Variants in CACNA1B observed in about 807,000 individuals in gnomAD.
The protein encoded by CACNA1B is voltage-dependent N-type calcium channel subunit alpha-1B.
In CACNA1B, 70 loss-of-function variants were observed where a neutral mutation model predicts 247.2. The observed-to-expected ratio is 0.28, with a 90% CI of 0.23 to 0.35. The LOEUF (loss-of-function observed/expected upper bound fraction) is 0.35. CACNA1B is among the 10% of genes least tolerant of loss of function. The probability of loss-of-function intolerance (pLI) is 1.00; values close to 1 mark genes in which losing one functional copy is unlikely to be tolerated. For missense variants in CACNA1B, 2,367 were observed against 3,197.4 expected, an observed-to-expected ratio of 0.74 and a Z score of 6.26; for synonymous variants, 1,231 against 1,294.4, an observed-to-expected ratio of 0.95 and a Z score of 1.05.
chr9:138,050,057 T>C lies in CACNA1B; in HGVS notation c.3710+742T>C, dbSNP rs1244858602. The C allele has an allele frequency of 7.8e-7, 1 of 1,289,546 alleles. No homozygotes were observed. Among genetic ancestry groups the C allele is most frequent in the Admixed American group, 2.3e-5 (1 of 43,564 alleles). 79.9% of individuals were successfully genotyped at this position (1,289,546 alleles called of 1,614,324 possible). On this transcript the variant is annotated intron_variant, in intron 24 of 46. Coordinates refer to ENST00000371372, the MANE Select transcript of CACNA1B (RefSeq NM_000718.4). The surrounding 1 kb of genome is among the most constrained non-coding windows in gnomAD (Gnocchi z 5.2). Reference sequence around the variant, plus strand: ...ACTGACTCTGTTCTCTTTGTCTTCCTCTTGCTGGACTCGGCAGGAGCTTCG... The same window carrying C: ...ACTGACTCTGTTCTCTTTGTCTTCCCCTTGCTGGACTCGGCAGGAGCTTCG...
intron 3 of CACNA1B, among the ~76,000 whole-genome samples, chr9:137,908,035 C>G (rs1957316901): frequency 6.6e-6 from 1 of 152,234 alleles, no homozygotes; most frequent in South Asian, 2.1e-4. Context: ...CATGCCTTCC[C>G]TGTCCAATCC....
chr9:138,024,832 C>A (rs746267233), intron 19 of CACNA1B, 123 bp from the exon 20 acceptor site: 36 of 677,804 alleles, frequency 5.3e-5, no homozygotes, highest in Non-Finnish European at 8.5e-5. Context: ...TGGGGTTTCG[C>A]CATATTCCCC....
At chr9:138,034,438 G>A (rs1959019395) in intron 20 of CACNA1B, among the ~76,000 whole-genome samples, 1 of 151,088 alleles carries the variant, frequency 6.6e-6, no homozygotes, top group South Asian at 2.1e-4. Context: ...ATAAGTGGAA[G>A]TAGGGTCATA....
At chr9:137,977,557 T>A (rs190163225) in intron 12 of CACNA1B, among the ~76,000 whole-genome samples, 61 of 152,238 alleles carry the variant, frequency 4.0e-4, no homozygotes, top group Non-Finnish European at 6.5e-4. Flanking sequence ...GGCAGGGCAG[T>A]CTGAGAATCT....
chr9:138,005,820 G>T (rs768458354), intron 15 of CACNA1B, among the ~76,000 whole-genome samples: 5 of 152,136 alleles, frequency 3.3e-5, no homozygotes, highest in Non-Finnish European at 5.9e-5. Flanking sequence ...GAGGTGGGCG[G>T]ATCACGAGGT....
At chr9:138,033,784 T>C (rs1959011854) in intron 20 of CACNA1B, among the ~76,000 whole-genome samples, 1 of 152,116 alleles carries the variant, frequency 6.6e-6, no homozygotes, top group Admixed American at 6.5e-5. Context: ...CTCGTGAGAC[T>C]CACTATCACG....
chr9:138,031,737 T>G (rs1483700619), intron 20 of CACNA1B, among the ~76,000 whole-genome samples: 3 of 152,210 alleles, frequency 2.0e-5, no homozygotes, highest in Non-Finnish European at 2.9e-5. Context: ...GACTGGCCCT[T>G]TAATTGTTGT....
Position 137,954,901 on chromosome 9 carries a change from A to AGAGG in CACNA1B, c.1071-796_1071-795insAGGG, listed in dbSNP as rs1957928518. On this transcript the variant is annotated intron_variant, in intron 7 of 46. Transcript: ENST00000371372. This position sits in a 1 kb window ranked among gnomAD's most constrained non-coding sequence, Gnocchi z 4.1. ...GTGTGAGAGAGAGAGAGAGAGAGAG[A>AGAGG]GGGGGAGAGAGAGAGAGAGAGAATG... 5.9e-5 allele frequency among the ~76,000 whole-genome samples: 7 copies of AGAGG among 118,712 alleles called. No individual in the cohort carries two copies. The South Asian group carries it at 8.0e-4, about 14-fold the overall frequency. 77.9% of individuals were successfully genotyped at this position (118,712 alleles called of 152,430 possible). A position where few individuals can be genotyped will look rare whatever the true frequency, so the allele number is the denominator to read the frequency against.
At chr9:137,959,446 A>G (rs1056146587) in intron 10 of CACNA1B, among the ~76,000 whole-genome samples, 2 of 152,170 alleles carry the variant, frequency 1.3e-5, no homozygotes, top group Admixed American at 6.5e-5. Flanking sequence ...TATTTTATCT[A>G]GAGTTTTTAT....
At chr9:137,896,988 A>G (rs1203005730) in intron 3 of CACNA1B, among the ~76,000 whole-genome samples, 9 of 151,868 alleles carry the variant, frequency 5.9e-5, no homozygotes, top group Non-Finnish European at 1.3e-4. Flanking sequence ...TTATATTAGT[A>G]ATTTTTGTCT....
At chr9:138,076,084 T>A (rs892428736) in intron 35 of CACNA1B, among the ~76,000 whole-genome samples, 174 bp downstream of exon 35, 1 of 152,142 alleles carries the variant, frequency 6.6e-6, no homozygotes, top group Non-Finnish European at 1.5e-5. Context: ...GCTCCTCTTT[T>A]CCAAAGGCTC....
Position 137,904,683 on chromosome 9 carries a change from C to T in CACNA1B, c.531-8497C>T, listed in dbSNP as rs541654659. ...GCACTGCCTCCGCCTCCCCCCTCCT[C>T]CTGCTGTCCCCTCAAGAATTTGCTA... On this transcript the variant is annotated intron_variant, in intron 3 of 46. Coordinates refer to ENST00000371372, the MANE Select transcript of CACNA1B (RefSeq NM_000718.4). Among the ~76,000 whole-genome samples the T allele has an allele frequency of 4.6e-5, 7 of 152,170 alleles. 1 individual carries two copies. The highest frequency in any genetic ancestry group is 1.7e-4 in the African/African-American group (7 of 41,552).
intron 15 of CACNA1B, among the ~76,000 whole-genome samples, chr9:137,987,635 T>A (rs1958382237): frequency 6.6e-6 from 1 of 152,210 alleles, no homozygotes; most frequent in East Asian, 1.9e-4. Flanking sequence ...GGGCTGCTGA[T>A]CCTACCCTTG....
At chr9:138,075,120 G>A (rs1207756121) in intron 34 of CACNA1B, among the ~76,000 whole-genome samples, 25 of 152,212 alleles carry the variant, frequency 1.6e-4, no homozygotes, top group Admixed American at 1.5e-3. Flanking sequence ...ATTTGTTATC[G>A]AAGGTGCCGG....
intron 39 of CACNA1B, among the ~76,000 whole-genome samples, chr9:138,108,230 G>A (rs1159572546): frequency 6.7e-6 from 1 of 149,878 alleles, no homozygotes; most frequent in East Asian, 2.0e-4. Flanking sequence ...CCAGCTGCTT[G>A]GGGAGGCTGA....
In CACNA1B at chr9:137,955,560, G is replaced by A; in HGVS notation, c.1071-138G>A. The A allele has an allele frequency of 1.6e-6, 1 of 630,948 alleles. No homozygotes were observed. Among genetic ancestry groups the A allele is most frequent in the South Asian group, 2.0e-5 (1 of 50,678 alleles). 39.1% of individuals were successfully genotyped at this position (630,948 alleles called of 1,614,324 possible). On this transcript the variant is annotated intron_variant, in intron 7 of 46. Transcript: ENST00000371372. The surrounding 1 kb of genome is among the most constrained non-coding windows in gnomAD (Gnocchi z 6.9). The stretch of plus-strand genomic sequence containing the variant: ...GCTCAGGTTAGAAGAGGCCTGGGTG[G>A]CAGGGGCCTGCCTGAAGCAGCAGCC...
intron 6 of CACNA1B, among the ~76,000 whole-genome samples, chr9:137,925,048 T>C (rs1213882088): frequency 2.0e-5 from 3 of 152,236 alleles, no homozygotes; most frequent in Admixed American, 6.5e-5. Flanking sequence ...GGTTTGTGCC[T>C]GACCAGCATT....
chr9:137,878,207 A>T lies in CACNA1B; in HGVS notation c.274A>T (p.Thr92Ser). The T allele has an allele frequency of 1.0e-6, 1 of 1,002,662 alleles. No individual in the cohort carries two copies. Among genetic ancestry groups the T allele is most frequent in the Non-Finnish European group, 1.2e-6 (1 of 809,746 alleles). The allele number at this position is 1,002,662 out of a possible 1,614,324, so 62.1% of individuals were successfully genotyped here. ...CGTCCGCAAATACGCGAAGCGCATC[A>T]CCGAGTGGCCATATCCTGCCGGGCG... ...NVVRKYAKRI[T>S]EWPPFEYMIL... Residue 92 changes from threonine (T) to serine (S), a missense_variant, in exon 1 of 47, where the codon ACC becomes TCC. Thr to Ser is a moderately conservative substitution (Grantham distance 58). Coordinates refer to ENST00000371372, the MANE Select transcript of CACNA1B (RefSeq NM_000718.4).
At chr9:137,939,889 G>T (rs554108841) in intron 6 of CACNA1B, among the ~76,000 whole-genome samples, 1 of 151,122 alleles carries the variant, frequency 6.6e-6, no homozygotes. Context: ...CAGTAGTGAC[G>T]CAACCTACCA....
Sources: gnomAD v4.1 joint callset for allele counts (sites outside exome capture counted in the v4.1 genomes callset) on GRCh38, gnomAD v4.1.1 for gene constraint, Gnocchi (gnomAD v3.1) non-coding constraint, MANE v1.5 for transcripts, NCBI Gene and HGNC (gene_info 2026-07-23, HGNC 2026-07-21) for gene names.